The following WDR87 variants were observed in gnomAD, a reference collection of about 807,000 sequenced individuals.
WDR87 encodes WD repeat-containing protein 87.
A neutral mutation model predicts 83.3 loss-of-function variants in WDR87; 56 were observed. The ratio of observed to expected loss-of-function variants is 0.67; its 90% confidence interval spans 0.54 to 0.84. WDR87 has a LOEUF of 0.84. WDR87 is among the 40% of genes least tolerant of loss of function. The pLI, the probability that WDR87 is intolerant of heterozygous loss-of-function variation, is 0.00. For missense variants in WDR87, 2,939 were observed against 3,431.9 expected (o/e 0.86, Z 3.59); for synonymous variants, 1,173 against 1,250.6 (o/e 0.94, Z 1.31).
At chr19:37,899,890 C>G (rs1241301725) in intron 1 of WDR87, among the ~76,000 whole-genome samples, 1 of 152,220 alleles carries the variant, frequency 6.6e-6, no homozygotes, top group Non-Finnish European at 1.5e-5. Context: ...TCCCAAAGTG[C>G]TGGCATTACA....
chr19:37,893,144 C>A lies in WDR87; in HGVS notation c.2559G>T (p.Leu853=). 6.4e-7 allele frequency: 1 copy of A among 1,551,882 alleles called. No homozygotes were observed. Among genetic ancestry groups the A allele is most frequent in the Non-Finnish European group, 8.7e-7 (1 of 1,147,048 alleles). The change falls in exon 4 of 6, where the codon CTG becomes CTT. Residue 853 remains leucine, a synonymous_variant. Coordinates refer to ENST00000447313, the MANE Select transcript of WDR87 (RefSeq NM_001291088.2). The part of the protein sequence containing the change: ...QCNLHAPQRE[L]EWDRSQEFFF... ...AGAATTCTTGAGACCTGTCCCATTC[C>A]AGCTCCCGCTGGGGTGCATGCAGGT...
chr19:37,890,687 C>T (rs1336031244), intron 5 of WDR87, among the ~76,000 whole-genome samples: 1 of 152,132 alleles, frequency 6.6e-6, no homozygotes, highest in Non-Finnish European at 1.5e-5. Flanking sequence ...AAATTCCCTC[C>T]TATATAGTGT....
intron 1 of WDR87, among the ~76,000 whole-genome samples, chr19:37,901,869 A>G: frequency 6.6e-6 from 1 of 151,472 alleles, no homozygotes; most frequent in Non-Finnish European, 1.5e-5. Flanking sequence ...ACACACCCCC[A>G]TGCCTGGCTA....
chr19:37,895,806 C>T (rs539803671), intron 3 of WDR87, among the ~76,000 whole-genome samples: 27 of 148,648 alleles, frequency 1.8e-4, no homozygotes, highest in African/African-American at 6.7e-4. Context: ...CTGCCTAGAG[C>T]TGATGGTAGG....
In WDR87 at chr19:37,893,153, C is replaced by T; in HGVS notation, c.2550G>A (p.Gln850=). 2.6e-6 allele frequency: 4 copies of T among 1,551,948 alleles called. No homozygotes were observed. The highest frequency in any genetic ancestry group is 3.5e-6 in the Non-Finnish European group (4 of 1,147,058). The part of the protein sequence containing the change: ...IYLQCNLHAP[Q]RELEWDRSQE... ...GAGACCTGTCCCATTCCAGCTCCCGCTGGGGTGCATGCAGGTTGCACTGTA... is the reference window on the plus strand; with the variant it reads ...GAGACCTGTCCCATTCCAGCTCCCGTTGGGGTGCATGCAGGTTGCACTGTA... The change falls in exon 4 of 6, where the codon CAG becomes CAA. Residue 850 remains glutamine (Q), a synonymous_variant. Transcript: ENST00000447313.
Position 37,893,424 on chromosome 19 carries a change from A to T in WDR87, c.2279T>A (p.Leu760Ter), listed in dbSNP as rs1462332319. The T allele has an allele frequency of 6.4e-7, 1 of 1,552,070 alleles. No individual in the cohort carries two copies. The highest frequency in any genetic ancestry group is 1.4e-5 in the African/African-American group (1 of 73,054). The stretch of plus-strand genomic sequence containing the variant: ...AGAATAATGCATGGAGGAACGCAGT[A>T]ACACTGGGCTCCCTTCCTCATCTTC... ...IEEDEEGSPV[L>*]LRSSMHYSLQ... The change falls in exon 4 of 6, where the codon TTA becomes TAA. Residue 760 changes from leucine to a stop codon, truncating the protein, a stop_gained. Coordinates refer to ENST00000447313, the MANE Select transcript of WDR87 (RefSeq NM_001291088.2). LOFTEE classifies it high-confidence loss of function.
rs1242064230 is a variant in WDR87 at position 37,894,132 on chromosome 19, A to G, written c.1571T>C (p.Leu524Pro). 2 of 1,552,360 alleles carry G rather than the reference A, an allele frequency of 1.3e-6. No individual in the cohort carries two copies. The highest frequency in any genetic ancestry group is 2.4e-5 in the South Asian group (2 of 84,052). The part of the protein sequence containing the change: ...GGIFGGQGNS[L>P]LCSYGMDDYV... ...GTCATCCATTCCATAGGAACAGAGC[A>G]GAGAGTTTCCTTGGCCACCAAAAAT... is the stretch of plus-strand genomic sequence containing the variant. Residue 524 changes from leucine to proline, a missense_variant, in exon 4 of 6, where the codon CTG becomes CCG. Coordinates refer to ENST00000447313, the MANE Select transcript of WDR87 (RefSeq NM_001291088.2).
rs2046223093 is a variant in WDR87 at position 37,893,265 on chromosome 19, C to T, written c.2438G>A (p.Gly813Glu). 4 of 1,551,800 alleles carry T rather than the reference C, an allele frequency of 2.6e-6. No homozygotes were observed. In the East Asian group the frequency reaches 9.8e-5, roughly 38 times the overall value. ...YQILRYYFGH[G>E]REWLFAPDCY... The stretch of plus-strand genomic sequence containing the variant: ...GTCAGGGGCAAAAAGCCATTCCCGC[C>T]CATGACCAAAGTAGTATCGCAATAT... Residue 813 changes from glycine (G) to glutamate (E), a missense_variant, in exon 4 of 6, where the codon GGG becomes GAG. Coordinates refer to ENST00000447313, the MANE Select transcript of WDR87 (RefSeq NM_001291088.2).
chr19:37,902,471 G>GC (rs2046299396), intron 1 of WDR87, among the ~76,000 whole-genome samples: 2 of 152,156 alleles, frequency 1.3e-5, no homozygotes, highest in Admixed American at 1.3e-4. Context: ...GCCCGCCTCA[G>GC]CCTCCCAAAG....
chr19:37,904,052 G>A (rs1394327284), intron 1 of WDR87, among the ~76,000 whole-genome samples: 2 of 151,778 alleles, frequency 1.3e-5, no homozygotes, highest in East Asian at 2.0e-4. Flanking sequence ...ACAGGCGCCC[G>A]CCACCATGCC....
In WDR87 at chr19:37,893,763, A is replaced by C. The variant is rs1406612253; in HGVS notation, c.1940T>G (p.Leu647Arg). The change falls in exon 4 of 6, where the codon CTG becomes CGG. Residue 647 changes from leucine to arginine, a missense_variant. Coordinates refer to ENST00000447313, the MANE Select transcript of WDR87 (RefSeq NM_001291088.2). ...TGCAAAACAGACTGGGCCAAAGTGC[A>C]GTGATGAGTCCAGAATGCCTATGAG... ...GRLIGILDSS[L>R]HFGPVCFAND... The C allele has an allele frequency of 1.3e-6, 2 of 1,551,568 alleles. No individual in the cohort carries two copies. Among genetic ancestry groups the C allele is most frequent in the Non-Finnish European group, 8.7e-7 (1 of 1,147,040 alleles).
chr19:37,902,747 A>G (rs545935575), intron 1 of WDR87, among the ~76,000 whole-genome samples: 52 of 152,166 alleles, frequency 3.4e-4, no homozygotes, highest in Non-Finnish European at 6.9e-4. Context: ...ACCTCCCACG[A>G]GCTTTGCCTT....
At position 37,894,930 on chromosome 19, in the gene WDR87, G is replaced by A; in HGVS notation, c.773C>T (p.Ala258Val). 1 of 1,551,740 alleles carries A rather than the reference G, an allele frequency of 6.4e-7. No homozygotes were observed. Among genetic ancestry groups the A allele is most frequent in the Non-Finnish European group, 8.7e-7 (1 of 1,147,004 alleles). Residue 258 changes from alanine (A) to valine (V), a missense_variant, in exon 4 of 6, where the codon GCT (alanine) becomes GTT (valine). Physicochemically the swap from Ala to Val is moderately conservative, Grantham distance 64. This residue lies in a region of WDR87 where 553 missense variants were observed against 577.9 expected (regional missense o/e 0.96). Transcript: ENST00000447313. ...FTCFDQGFLY[A>V]GNQAGEIQVW... ...TTGGATTTCCCCAGCTTGGTTTCCA[G>A]CATAGAGAAAGCCCTGATCAAAACA...
intron 5 of WDR87, 48 bp from the exon 6 acceptor site, chr19:37,890,324 C>A (rs1367961451): frequency 2.0e-6 from 3 of 1,464,264 alleles, no homozygotes; most frequent in Non-Finnish European, 2.7e-6. Context: ...TGGGAAGCGA[C>A]ATGAAACCCT....
intron 1 of WDR87, among the ~76,000 whole-genome samples, chr19:37,901,740 G>T (rs1041546703): frequency 2.0e-5 from 3 of 151,716 alleles, no homozygotes; most frequent in Non-Finnish European, 4.4e-5. Context: ...TTGAGACAGG[G>T]TCTCGCTCTG....
intron 4 of WDR87, among the ~76,000 whole-genome samples, chr19:37,892,057 C>G (rs947039349): frequency 6.6e-6 from 1 of 152,126 alleles, no homozygotes; most frequent in African/African-American, 2.4e-5. Flanking sequence ...GAAAATGGAA[C>G]TTGAAGAAGT....
rs755551672 is a variant in WDR87 at position 37,891,971 on chromosome 19, G to A, written c.3126-151C>T. Among the ~76,000 whole-genome samples, 66 of 152,336 alleles carry A rather than the reference G, an allele frequency of 4.3e-4. No homozygotes were observed. In the Middle Eastern group the frequency reaches 0.024, roughly 55 times the overall value. The stretch of plus-strand genomic sequence containing the variant: ...GAGGAAAATAATGGCTGAGACAAAA[G>A]AAACTATCTAGGAAGCCAAGGTGGC... On this transcript the variant is annotated intron_variant, in intron 4 of 5. Transcript: ENST00000447313.
In WDR87 at chr19:37,892,679, T is replaced by G. The variant is rs776294107; in HGVS notation, c.3024A>C (p.Arg1008Ser). 1.0e-5 allele frequency: 16 copies of G among 1,551,696 alleles called. No individual in the cohort carries two copies. Among genetic ancestry groups the G allele is most frequent in the Non-Finnish European group, 1.4e-5 (16 of 1,147,006 alleles). The stretch of plus-strand genomic sequence containing the variant: ...TGAGGCTTAGGGTCTTGATCCTCAC[T>G]CTTTCATCCTTGTCCATTAATCCTT... Reference protein sequence around the residue: ...LAQGLMDKDERVRIKTLSLMA... With the variant: ...LAQGLMDKDESVRIKTLSLMA... The change falls in exon 4 of 6, where the codon AGA (arginine) becomes AGC (serine). Residue 1008 changes from arginine (R) to serine (S), a missense_variant. This residue lies in a region of WDR87 where 2,160 missense variants were observed against 2,533.1 expected (regional missense o/e 0.85). Coordinates refer to ENST00000447313, the MANE Select transcript of WDR87 (RefSeq NM_001291088.2).
rs946989994 is a variant in WDR87, at chr19:37,885,067, C to A, written c.8604G>T (p.Trp2868Cys). ...QEFQGAVPLP[W>C]QNCVRTILPV... ...GAAGGATGGTGCGCACACAGTTCTG[C>A]CATGGGAGGGGTACCGCACCCTGGA... Residue 2868 changes from tryptophan to cysteine, a missense_variant, in exon 6 of 6, where the codon TGG (tryptophan) becomes TGT (cysteine). Around this residue, in one of 3 missense-constraint regions of WDR87, gnomAD observed 2,160 missense variants for 2,533.1 expected, o/e 0.85. Transcript: ENST00000447313. 4.1e-6 allele frequency: 6 copies of A among 1,471,160 alleles called. No individual in the cohort carries two copies. The highest frequency in any genetic ancestry group is 5.4e-6 in the Non-Finnish European group (6 of 1,109,950). 91.1% of individuals were successfully genotyped at this position (1,471,160 alleles called of 1,614,324 possible).
Sources: allele counts gnomAD v4.1 joint callset (sites outside exome capture counted in the v4.1 genomes callset), GRCh38; gene constraint gnomAD v4.1.1; regional missense constraint gnomAD v4.1.1; transcripts MANE v1.5; gene names NCBI Gene and HGNC (gene_info 2026-07-23, HGNC 2026-07-21).